The following HLCS variants were observed in gnomAD, a reference collection of about 807,000 sequenced individuals.
HLCS encodes the protein biotin--protein ligase.
In HLCS, 53 loss-of-function variants were observed where a neutral mutation model predicts 75.0. The observed-to-expected ratio is 0.71, with a 90% CI of 0.57 to 0.89. The LOEUF (loss-of-function observed/expected upper bound fraction) is 0.89. Ranked by LOEUF, HLCS falls within the 40% of genes least tolerant of loss-of-function variation. The pLI is 0.00. For missense variants in HLCS, 966 were observed against 1,074.0 expected (o/e 0.90, Z 1.41); for synonymous variants, 431 against 428.6 (o/e 1.01, Z -0.07).
At chr21:36,961,099 G>A (rs768506653) in intron 2 of HLCS, among the ~76,000 whole-genome samples, 3 of 152,176 alleles carry the variant, frequency 2.0e-5, no homozygotes, top group African/African-American at 4.8e-5. Flanking sequence ...AGGAAAAGCC[G>A]GCTGGCGTGT....
chr21:36,925,060 C>T (rs564612228), intron 5 of HLCS, among the ~76,000 whole-genome samples: 1 of 152,258 alleles, frequency 6.6e-6, no homozygotes, highest in South Asian at 2.1e-4. Context: ...CTAAACTATC[C>T]TTACCAACAA....
chr21:36,758,028 A>G (rs962089450), intron 9 of HLCS, among the ~76,000 whole-genome samples: 3 of 152,136 alleles, frequency 2.0e-5, no homozygotes, highest in Non-Finnish European at 2.9e-5. Context: ...ACCCCATCCT[A>G]TGGCCTTCAG....
intron 6 of HLCS, among the ~76,000 whole-genome samples, chr21:36,887,825 T>TA (rs2064538676): frequency 6.6e-6 from 1 of 152,260 alleles, no homozygotes; most frequent in African/African-American, 2.4e-5. Context: ...TTGGGACACT[T>TA]ACCAATGTAT....
chr21:36,949,866 G>T (rs2146598294), intron 2 of HLCS, among the ~76,000 whole-genome samples: 1 of 152,276 alleles, frequency 6.6e-6, no homozygotes, highest in Admixed American at 6.5e-5. Context: ...AAGCCACTGG[G>T]ATTCTAAGCT....
At chr21:36,863,428 TAGC>T (rs2063449333) in intron 6 of HLCS, among the ~76,000 whole-genome samples, 1 of 151,710 alleles carries the variant, frequency 6.6e-6, no homozygotes, top group Non-Finnish European at 1.5e-5. Context: ...TTTCAGGAAA[TAGC>T]AGGTGTTTAG....
chr21:36,852,730 A>G (rs774084805), intron 6 of HLCS, among the ~76,000 whole-genome samples: 4 of 152,034 alleles, frequency 2.6e-5, no homozygotes, highest in Non-Finnish European at 5.9e-5. Flanking sequence ...ATATTCTAAG[A>G]CCTTGAGGAC....
chr21:36,760,057 C>G (rs530868173), intron 8 of HLCS, among the ~76,000 whole-genome samples: 1 of 152,152 alleles, frequency 6.6e-6, no homozygotes, highest in Admixed American at 6.5e-5. Context: ...TGACATAAAC[C>G]CCAGCATTCT....
intron 6 of HLCS, among the ~76,000 whole-genome samples, chr21:36,852,651 GA>G (rs2063050745): frequency 6.6e-6 from 1 of 152,180 alleles, no homozygotes; most frequent in Non-Finnish European, 1.5e-5. Context: ...ACACCTCTCA[GA>G]GGGGTACCAG....
At chr21:36,764,871 C>T (rs971908731) in intron 8 of HLCS, 141 bp downstream of exon 8, 21 of 882,240 alleles carry the variant, frequency 2.4e-5, no homozygotes, top group Admixed American at 9.5e-5. Flanking sequence ...CTGAAAACTC[C>T]GAGAGCACTT....
rs1292307782 is a variant in HLCS, at chr21:36,888,473, T to A, written c.1892+8387A>T. Among the ~76,000 whole-genome samples the A allele has an allele frequency of 3.6e-3, 444 of 123,868 alleles. 24 individuals are homozygous for A. Among genetic ancestry groups the A allele is most frequent in the African/African-American group, 0.012 (356 of 30,804 alleles). The allele number at this position is 123,868 out of a possible 152,430, so 81.3% of individuals were successfully genotyped here. A position where few individuals can be genotyped will look rare whatever the true frequency, so the allele number is the denominator to read the frequency against. ...ATATATATATATATATATATATATA[T>A]ATATATATATATATATATATATATT... On this transcript the variant is annotated intron_variant, in intron 6 of 10. Coordinates refer to ENST00000674895, the MANE Select transcript of HLCS (RefSeq NM_001352514.2).
chr21:36,789,452 A>G (rs2060793005), intron 6 of HLCS, among the ~76,000 whole-genome samples: 1 of 152,228 alleles, frequency 6.6e-6, no homozygotes, highest in Non-Finnish European at 1.5e-5. Context: ...TTTGGGCTTG[A>G]TCTACTCAAG....
intron 5 of HLCS, among the ~76,000 whole-genome samples, chr21:36,914,969 C>A (rs1251443442): frequency 6.6e-6 from 1 of 152,262 alleles, no homozygotes; most frequent in African/African-American, 2.4e-5. Flanking sequence ...CCCTGGGGGC[C>A]CATAGGCAGC....
At chr21:36,954,113 C>T (rs936376724) in intron 2 of HLCS, among the ~76,000 whole-genome samples, 1 of 151,996 alleles carries the variant, frequency 6.6e-6, no homozygotes. Context: ...CGAGACCATC[C>T]TAGGCAACAT....
intron 6 of HLCS, among the ~76,000 whole-genome samples, chr21:36,860,194 A>G (rs1167366478): frequency 6.6e-6 from 1 of 152,148 alleles, no homozygotes; most frequent in Non-Finnish European, 1.5e-5. Context: ...CTGAGTAGGC[A>G]TTACTATTCC....
In HLCS at chr21:36,897,006, A is replaced by G. The variant is rs1310659023; in HGVS notation, c.1746T>C (p.Ser582=). 2 of 1,614,214 alleles carry G rather than the reference A, an allele frequency of 1.2e-6. No individual in the cohort carries two copies. Among genetic ancestry groups the G allele is most frequent in the East Asian group, 2.2e-5 (1 of 44,884 alleles). Residue 582 remains serine, a synonymous_variant, in exon 6 of 11, where the codon TCT becomes TCC. Transcript: ENST00000674895. ...CCATGTTGGTCACCACAGGTATACA[A>G]GATGGGGTTATTTCTACTTCAGACA... The part of the protein sequence containing the change: ...SYVSEVEITP[S]CIPVVTNMEA...
chr21:36,808,171 T>G (rs1221984329), intron 6 of HLCS, among the ~76,000 whole-genome samples: 1 of 152,238 alleles, frequency 6.6e-6, no homozygotes, highest in African/African-American at 2.4e-5. Context: ...TCATTGTATT[T>G]TAAAAAATTG....
chr21:36,964,748 CG>C (rs1420418707), intron 1 of HLCS, among the ~76,000 whole-genome samples: 3 of 152,264 alleles, frequency 2.0e-5, no homozygotes, highest in African/African-American at 7.2e-5. Context: ...AGAAGGCCAG[CG>C]GAGTCATGAA....
At chr21:36,935,981 A>G (rs1289663906) in intron 4 of HLCS, among the ~76,000 whole-genome samples, 1 of 152,200 alleles carries the variant, frequency 6.6e-6, no homozygotes, top group African/African-American at 2.4e-5. Context: ...TTCAACACCA[A>G]CTACCTTGGC....
intron 6 of HLCS, among the ~76,000 whole-genome samples, chr21:36,834,920 A>G (rs1294789901): frequency 6.6e-6 from 1 of 152,212 alleles, no homozygotes; most frequent in East Asian, 1.9e-4. Flanking sequence ...AAAGATGAGA[A>G]TAACTTCTTT....
Sources: allele counts gnomAD v4.1 joint callset (sites outside exome capture counted in the v4.1 genomes callset), GRCh38; gene constraint gnomAD v4.1.1; transcripts MANE v1.5; gene names NCBI Gene and HGNC (gene_info 2026-07-23, HGNC 2026-07-21).